The following TFEC variants were observed in gnomAD, a reference collection of about 807,000 sequenced individuals.
The protein encoded by TFEC is class E basic helix-loop-helix protein 34.
A neutral mutation model predicts 41.6 loss-of-function variants in TFEC; 31 were observed. The observed-to-expected ratio is 0.74, with a 90% CI of 0.56 to 1.01. TFEC has a LOEUF of 1.01. Among genes scored for constraint, TFEC ranks in the 50% least tolerant of loss-of-function variants. The pLI is 0.00. For synonymous variants in TFEC, 143 were observed against 140.6 expected, an observed-to-expected ratio of 1.02 and a Z score of -0.12; for missense variants, 402 against 404.1, an observed-to-expected ratio of 0.99 and a Z score of 0.04.
intron 1 of TFEC, among the ~76,000 whole-genome samples, chr7:116,002,173 G>A (rs1466840241): frequency 6.6e-6 from 1 of 152,024 alleles, no homozygotes; most frequent in East Asian, 1.9e-4. Context: ...CCCCCTGCAA[G>A]GTATATACCC....
At chr7:115,974,450 A>ATATATATATATATAT (rs1491505885) in intron 2 of TFEC, among the ~76,000 whole-genome samples, 194 bp from the exon 3 acceptor site, 46 of 28,022 alleles carry the variant, frequency 1.6e-3, no homozygotes, top group Non-Finnish European at 2.4e-3. Flanking sequence ...ATATATATAT[A>ATATATATATATATAT]AAAACACAGA....
rs114459613 is a variant in TFEC at position 115,963,397 on chromosome 7, T to C, written c.268-6604A>G. On this transcript the variant is annotated intron_variant, in intron 3 of 7. Coordinates refer to ENST00000265440, the MANE Select transcript of TFEC (RefSeq NM_012252.4). ...GTATGGAAGTTCCTCAAAAGGTAAG[T>C]ATAGAATTAACATATGATCCAGTAA... is the stretch of plus-strand genomic sequence containing the variant. 3.8e-3 allele frequency among the ~76,000 whole-genome samples: 583 copies of C among 151,848 alleles called. 3 individuals are homozygous for C. The highest frequency in any genetic ancestry group is 0.013 in the African/African-American group (556 of 41,484).
At chr7:116,115,045 T>C (rs1797949059) in intron 1 of TFEC, among the ~76,000 whole-genome samples, 1 of 151,932 alleles carries the variant, frequency 6.6e-6, no homozygotes. Flanking sequence ...AGTAGTGTGG[T>C]CCTTTGTTAA....
intron 1 of TFEC, among the ~76,000 whole-genome samples, chr7:116,121,270 T>C (rs1798102654): frequency 2.0e-5 from 3 of 151,978 alleles, no homozygotes; most frequent in Non-Finnish European, 4.4e-5. Flanking sequence ...CTTGAATATA[T>C]TACATTAAGT....
At chr7:116,072,793 T>C (rs988359112) in intron 3 of TFEC, among the ~76,000 whole-genome samples, 1 of 151,422 alleles carries the variant, frequency 6.6e-6, no homozygotes, top group African/African-American at 2.4e-5. Flanking sequence ...TTCAAGAAAC[T>C]AGGAATCAAA....
intron 3 of TFEC, among the ~76,000 whole-genome samples, chr7:116,059,209 A>G (rs1472380964): frequency 1.3e-5 from 2 of 151,906 alleles, no homozygotes; most frequent in Non-Finnish European, 2.9e-5. Context: ...TATTAAAAGG[A>G]TGATTAGTGT....
chr7:116,157,759 T>C (rs1460690165), intron 1 of TFEC, among the ~76,000 whole-genome samples: 3 of 152,158 alleles, frequency 2.0e-5, no homozygotes, highest in Non-Finnish European at 4.4e-5. Context: ...CCAAATTCAA[T>C]GGTCCAGGCC....
chr7:115,967,801 G>T (rs146011910), intron 3 of TFEC, among the ~76,000 whole-genome samples: 5 of 151,778 alleles, frequency 3.3e-5, no homozygotes, highest in African/African-American at 1.2e-4. Flanking sequence ...ATAAAACAAA[G>T]AATGATAATT....
upstream of TFEC, among the ~76,000 whole-genome samples, chr7:116,034,528 C>A (rs975281909): frequency 2.6e-5 from 4 of 151,994 alleles, no homozygotes; most frequent in Non-Finnish European, 5.9e-5. Flanking sequence ...TGTGAGCTCA[C>A]CTTCAAACCC....
At chr7:116,017,884 CA>C (rs1245189533) in intron 1 of TFEC, among the ~76,000 whole-genome samples, 1 of 152,086 alleles carries the variant, frequency 6.6e-6, no homozygotes, top group Non-Finnish European at 1.5e-5. Context: ...ATTAGTTATT[CA>C]TTTTTTTATG....
chr7:115,966,392 C>CATG (rs1584603458), intron 3 of TFEC, among the ~76,000 whole-genome samples: 1 of 151,590 alleles, frequency 6.6e-6, no homozygotes, highest in East Asian at 1.9e-4. Context: ...AAAATACAAG[C>CATG]ATGATCCTAA....
At chr7:116,124,067 A>G (rs1048775118) in intron 1 of TFEC, among the ~76,000 whole-genome samples, 10 of 152,142 alleles carry the variant, frequency 6.6e-5, no homozygotes, top group Non-Finnish European at 2.9e-5. Context: ...TGCTGGAACT[A>G]TATTCCATGA....
chr7:116,079,945 A>T (rs933033824), intron 3 of TFEC, among the ~76,000 whole-genome samples: 4 of 152,160 alleles, frequency 2.6e-5, no homozygotes, highest in Non-Finnish European at 5.9e-5. Flanking sequence ...ACAAGGCCAT[A>T]CTCACCAAAA....
At chr7:115,958,047 T>TC (rs1434585482) in intron 3 of TFEC, among the ~76,000 whole-genome samples, 3 of 151,872 alleles carry the variant, frequency 2.0e-5, no homozygotes, top group Non-Finnish European at 4.4e-5. Context: ...ATGTATTTTT[T>TC]CATATTTTTT....
At chr7:116,061,533 A>G (rs1401595510) in intron 3 of TFEC, among the ~76,000 whole-genome samples, 1 of 152,182 alleles carries the variant, frequency 6.6e-6, no homozygotes, top group Non-Finnish European at 1.5e-5. Flanking sequence ...AATCTTTGTG[A>G]ATTTGGGTAA....
chr7:116,128,444 T>C (rs1798259971), intron 1 of TFEC, among the ~76,000 whole-genome samples: 1 of 152,152 alleles, frequency 6.6e-6, no homozygotes, highest in African/African-American at 2.4e-5. Context: ...AACAAGAATA[T>C]AACTGATGCC....
chr7:115,999,275 A>T (rs1045266736), intron 1 of TFEC, among the ~76,000 whole-genome samples: 3 of 152,056 alleles, frequency 2.0e-5, no homozygotes, highest in Non-Finnish European at 4.4e-5. Context: ...AAGGAAATTT[A>T]AAAATTTCTT....
At chr7:116,108,223 T>C (rs183568365) in intron 3 of TFEC, among the ~76,000 whole-genome samples, 1 of 152,312 alleles carries the variant, frequency 6.6e-6, no homozygotes, top group East Asian at 1.9e-4. Flanking sequence ...AGCATTGTTA[T>C]TGAAAGTTTA....
intron 3 of TFEC, among the ~76,000 whole-genome samples, chr7:116,061,686 A>AG (rs1796559462): frequency 6.6e-6 from 1 of 151,768 alleles, no homozygotes; most frequent in East Asian, 1.9e-4. Flanking sequence ...ACTAAGAAAA[A>AG]AAATTTCAAA....
Sources: allele counts gnomAD v4.1 joint callset (sites outside exome capture counted in the v4.1 genomes callset), GRCh38; gene constraint gnomAD v4.1.1; transcripts MANE v1.5; gene names NCBI Gene and HGNC (gene_info 2026-07-23, HGNC 2026-07-21).